The following TYW1B variants were observed in gnomAD, a reference collection of about 807,000 sequenced individuals.
TYW1B encodes S-adenosyl-L-methionine-dependent tRNA 4-demethylwyosine synthase TYW1B.
Under a neutral mutation model 86.9 loss-of-function variants are expected in TYW1B, and 73 were observed. That is an observed-to-expected ratio of 0.84 (90% CI 0.70 to 1.02). The LOEUF (loss-of-function observed/expected upper bound fraction) is 1.02. TYW1B is among the 50% of genes least tolerant of loss of function. The pLI, the probability that TYW1B is intolerant of heterozygous loss-of-function variation, is 0.00. For missense variants in TYW1B, 637 were observed against 827.4 expected, an observed-to-expected ratio of 0.77 and a Z score of 2.82; for synonymous variants, 248 against 292.8, an observed-to-expected ratio of 0.85 and a Z score of 1.56.
chr7:72,605,500 C>T (rs571393473), intron 13 of TYW1B, among the ~76,000 whole-genome samples: 10 of 152,110 alleles, frequency 6.6e-5, no homozygotes, highest in South Asian at 2.1e-4. Flanking sequence ...ACTACAGGCA[C>T]GTGCCACCAC....
intron 13 of TYW1B, among the ~76,000 whole-genome samples, chr7:72,604,667 T>C (rs1811753999): frequency 1.3e-5 from 2 of 152,260 alleles, no homozygotes; most frequent in Non-Finnish European, 2.9e-5. Flanking sequence ...CATGGTCTAA[T>C]TAATTTCTAG....
intron 13 of TYW1B, among the ~76,000 whole-genome samples, chr7:72,598,698 T>G (rs71252140): frequency 2.6e-5 from 4 of 151,674 alleles, no homozygotes; most frequent in African/African-American, 7.3e-5. Flanking sequence ...TCAAAGGGAA[T>G]GGGCTGTTAA....
At chr7:72,819,443 A>G (rs553112134) in intron 2 of TYW1B, among the ~76,000 whole-genome samples, 1 of 152,016 alleles carries the variant, frequency 6.6e-6, no homozygotes. Context: ...TATGTCTTTT[A>G]TTTTTTTGAG....
In TYW1B at chr7:72,813,197, CAG is replaced by C. The variant is rs34495677; in HGVS notation, c.237+2181_237+2182del. ...TTTTTTTTTTTTTTTTTTTTTGAGA[CAG>C]AGATTTGCTTTTGTCGCCCAGGCTA... On this transcript the variant is annotated intron_variant, in intron 3 of 13. Transcript: ENST00000620995. Among the ~76,000 whole-genome samples the C allele has an allele frequency of 9.5e-3, 1,157 of 121,576 alleles. 12 individuals carry two copies. Among genetic ancestry groups the C allele is most frequent in the East Asian group, 0.02 (82 of 4,152 alleles). The allele number at this position is 121,576 out of a possible 152,430, so 79.8% of individuals were successfully genotyped here.
intron 11 of TYW1B, among the ~76,000 whole-genome samples, chr7:72,645,122 C>T (rs1372437274): frequency 6.6e-6 from 1 of 152,196 alleles, no homozygotes; most frequent in Admixed American, 6.5e-5. Context: ...CCGCCGCGCC[C>T]AGCCATGACT....
At chr7:72,814,313 G>A (rs1283900849) in intron 3 of TYW1B, among the ~76,000 whole-genome samples, 14 of 152,024 alleles carry the variant, frequency 9.2e-5, no homozygotes, top group South Asian at 2.1e-4. Context: ...GGCCGGGCAC[G>A]GTGGCTCATG....
intron 13 of TYW1B, among the ~76,000 whole-genome samples, chr7:72,602,020 G>C (rs1811678956): frequency 6.6e-6 from 1 of 152,178 alleles, no homozygotes; most frequent in South Asian, 2.1e-4. Context: ...TTTTATAGCT[G>C]AAATGCTGAA....
intron 8 of TYW1B, among the ~76,000 whole-genome samples, chr7:72,730,807 G>A (rs1351488911): frequency 5.9e-5 from 9 of 151,550 alleles, no homozygotes; most frequent in East Asian, 1.9e-4. Flanking sequence ...GAGAACAGGT[G>A]GGAAAAGACA....
intron 11 of TYW1B, among the ~76,000 whole-genome samples, chr7:72,632,285 G>GTATATATATTATATATATAT (rs1554439905): frequency 1.2e-5 from 1 of 83,568 alleles, no homozygotes; most frequent in Non-Finnish European, 2.1e-5. Flanking sequence ...ATATATACGT[G>GTATATATATTATATATATAT]TATATATATA....
At chr7:72,737,619 CTTGA>C (rs1411112972) in intron 8 of TYW1B, among the ~76,000 whole-genome samples, 6 of 152,294 alleles carry the variant, frequency 3.9e-5, no homozygotes, top group Non-Finnish European at 8.8e-5. Context: ...ACACAAAATA[CTTGA>C]TTATTTGTCC....
chr7:72,730,643 AAGAAGGG>A lies in TYW1B; in HGVS notation c.1083-1719_1083-1713del, dbSNP rs202145774. Among the ~76,000 whole-genome samples the A allele has an allele frequency of 1.7e-3, 262 of 151,326 alleles. 3 individuals carry two copies. The East Asian group carries it at 0.033, about 19-fold the overall frequency. On this transcript the variant is annotated intron_variant, in intron 8 of 13. Coordinates refer to ENST00000620995, the MANE Select transcript of TYW1B (RefSeq NM_001145440.3). ...GGAGAAAAAGAAAGAAGAAAAGAAG[AAGAAGGG>A]AGAAGGGAGAAGGAAGAAAGGATAG...
intron 11 of TYW1B, among the ~76,000 whole-genome samples, chr7:72,653,956 T>C (rs1554443233): frequency 6.6e-6 from 1 of 151,734 alleles, no homozygotes; most frequent in African/African-American, 2.4e-5. Context: ...GGCGCACACC[T>C]GCAATCTCAG....
At chr7:72,738,907 T>C (rs375207085) in intron 8 of TYW1B, among the ~76,000 whole-genome samples, 34 of 151,112 alleles carry the variant, frequency 2.2e-4, no homozygotes, top group Admixed American at 4.0e-4. Context: ...CCTGTCTCTA[T>C]CAAAAAAAAA....
chr7:72,700,940 T>G lies in TYW1B; in HGVS notation c.1371-6118A>C, dbSNP rs554560860. ...AAATTAGCCAGGAGTGCCACATGCC[T>G]CTAATCCCAGCTGCTCAGGAGGCTG... On this transcript the variant is annotated intron_variant, in intron 10 of 13. Transcript: ENST00000620995. Among the ~76,000 whole-genome samples, 337 of 152,072 alleles carry G rather than the reference T, an allele frequency of 2.2e-3. 2 individuals carry two copies. The highest frequency in any genetic ancestry group is 7.5e-3 in the African/African-American group (313 of 41,500).
chr7:72,632,427 T>A (rs1460079745), intron 11 of TYW1B, among the ~76,000 whole-genome samples: 2 of 89,818 alleles, frequency 2.2e-5, no homozygotes, highest in East Asian at 2.2e-4. Flanking sequence ...ATATATAAAA[T>A]ATATATATAC....
At chr7:72,805,540 G>C (rs536471445) in intron 5 of TYW1B, among the ~76,000 whole-genome samples, 1 of 151,902 alleles carries the variant, frequency 6.6e-6, no homozygotes, top group South Asian at 2.1e-4. Flanking sequence ...ACTGCCTGGG[G>C]AGGTTGAGGC....
intron 11 of TYW1B, among the ~76,000 whole-genome samples, chr7:72,674,339 T>C (rs1554446948): frequency 6.6e-6 from 1 of 152,104 alleles, no homozygotes; most frequent in African/African-American, 2.4e-5. Context: ...GCTGCTAAGA[T>C]GAGGTTGTTT....
intron 11 of TYW1B, among the ~76,000 whole-genome samples, chr7:72,669,330 G>C (rs1169611819): frequency 1.3e-5 from 2 of 151,604 alleles, no homozygotes; most frequent in Non-Finnish European, 2.9e-5. Flanking sequence ...GTTTTTAGTA[G>C]AGATGGGGTT....
intron 13 of TYW1B, among the ~76,000 whole-genome samples, chr7:72,597,656 G>GAC (rs1811569619): frequency 6.6e-6 from 1 of 152,064 alleles, no homozygotes; most frequent in African/African-American, 2.4e-5. Context: ...GACCAATAGT[G>GAC]ACAATGATAG....
Sources: gnomAD v4.1 joint callset for allele counts (sites outside exome capture counted in the v4.1 genomes callset) on GRCh38, gnomAD v4.1.1 for gene constraint, MANE v1.5 for transcripts, NCBI Gene and HGNC (gene_info 2026-07-23, HGNC 2026-07-21) for gene names.